The following ABI2 variants were observed in gnomAD, a reference collection of about 807,000 sequenced individuals.
The protein encoded by ABI2 is abelson interactor 2.
Under a neutral mutation model 59.2 loss-of-function variants are expected in ABI2, and 25 were observed. That is an observed-to-expected ratio of 0.42 (90% CI 0.31 to 0.59). ABI2 has a LOEUF of 0.59. Ranked by LOEUF, ABI2 falls within the 20% of genes least tolerant of loss-of-function variation. The pLI is 0.14. For missense variants in ABI2, 545 were observed against 681.8 expected, an observed-to-expected ratio of 0.80 and a Z score of 2.23; for synonymous variants, 213 against 235.5, an observed-to-expected ratio of 0.90 and a Z score of 0.87.
At chr2:203,426,465 C>T (rs1322058763) in intron 11 of ABI2, among the ~76,000 whole-genome samples, 1 of 151,984 alleles carries the variant, frequency 6.6e-6, no homozygotes, top group Non-Finnish European at 1.5e-5. Flanking sequence ...AGCCAAGTTA[C>T]CAAGTGATTT....
chr2:203,411,450 A>G, intron 10 of ABI2, 79 bp downstream of exon 10: 1 of 1,108,746 alleles, frequency 9.0e-7, no homozygotes, highest in Non-Finnish European at 1.3e-6. Flanking sequence ...CTGGATAGTC[A>G]TTCATTTGCT....
rs753213419 is a variant in ABI2, at chr2:203,331,038, A to G, written c.117+2407A>G. Among the ~76,000 whole-genome samples, 8 of 152,340 alleles carry G rather than the reference A, an allele frequency of 5.3e-5. 1 individual carries two copies. The South Asian group carries it at 8.3e-4, about 16-fold the overall frequency. ...AAATATTGATTAATATTAATTTAAT[A>G]GAAATGAACTTAGATTTTAAAATAG... On this transcript the variant is annotated intron_variant, in intron 1 of 11. Transcript: ENST00000261018.
intron 1 of ABI2, among the ~76,000 whole-genome samples, chr2:203,352,226 G>A (rs1027425980): frequency 1.3e-5 from 2 of 152,162 alleles, no homozygotes; most frequent in Non-Finnish European, 2.9e-5. Context: ...TTGGGAGCCC[G>A]AGATGGAAGG....
At chr2:203,366,523 A>C (rs976356126) in intron 1 of ABI2, among the ~76,000 whole-genome samples, 2 of 152,246 alleles carry the variant, frequency 1.3e-5, no homozygotes, top group African/African-American at 4.8e-5. Context: ...TCAGAAAAGC[A>C]GAAGAAAGTG....
At chr2:203,384,288 TTG>T (rs1240470924) in intron 4 of ABI2, among the ~76,000 whole-genome samples, 100 of 22,786 alleles carry the variant, frequency 4.4e-3, no homozygotes, top group African/African-American at 0.013. Flanking sequence ...GTTTTTGTTT[TTG>T]TTTTTTTTTT....
At chr2:203,420,873 A>G (rs1211524272) in intron 11 of ABI2, among the ~76,000 whole-genome samples, 1 of 145,916 alleles carries the variant, frequency 6.9e-6, no homozygotes, top group Non-Finnish European at 1.5e-5. Context: ...GGCAGAGAAG[A>G]GAGAAAGGAA....
At chr2:203,343,917 C>G (rs1033381590) in intron 1 of ABI2, among the ~76,000 whole-genome samples, 2 of 152,018 alleles carry the variant, frequency 1.3e-5, no homozygotes, top group African/African-American at 2.4e-5. Flanking sequence ...ATTGCTTGAG[C>G]CCAGGAGTTT....
chr2:203,362,898 C>T (rs2093721090), intron 1 of ABI2, among the ~76,000 whole-genome samples: 1 of 151,884 alleles, frequency 6.6e-6, no homozygotes, highest in South Asian at 2.1e-4. Context: ...GTGACCTGAT[C>T]TCAGCTCACT....
intron 4 of ABI2, among the ~76,000 whole-genome samples, chr2:203,387,382 G>T (rs759047068): frequency 1.3e-5 from 2 of 152,212 alleles, no homozygotes; most frequent in Non-Finnish European, 2.9e-5. Context: ...TTGGCTTAAT[G>T]TGTGGTGCCA....
At chr2:203,380,493 G>A (rs2096048182) in intron 3 of ABI2, 109 bp downstream of exon 3, 1 of 688,270 alleles carries the variant, frequency 1.5e-6, no homozygotes, top group Admixed American at 3.8e-5. Flanking sequence ...ACAAAGTCTT[G>A]GCCCAGTTGT....
chr2:203,342,922 A>C (rs1213157363), intron 1 of ABI2, among the ~76,000 whole-genome samples: 1 of 152,218 alleles, frequency 6.6e-6, no homozygotes, highest in African/African-American at 2.4e-5. Flanking sequence ...TAGTTTTTTA[A>C]TCATTCATGC....
At chr2:203,362,631 A>G (rs1057250679) in intron 1 of ABI2, among the ~76,000 whole-genome samples, 5 of 151,612 alleles carry the variant, frequency 3.3e-5, no homozygotes, top group Non-Finnish European at 7.4e-5. Flanking sequence ...GGTTCAAGCT[A>G]TTCTCCTGCC....
At chr2:203,359,149 A>T (rs1184212251) in intron 1 of ABI2, among the ~76,000 whole-genome samples, 1 of 152,214 alleles carries the variant, frequency 6.6e-6, no homozygotes, top group Non-Finnish European at 1.5e-5. Context: ...GGGGTGTGGG[A>T]TGGAGAGAAG....
intron 1 of ABI2, among the ~76,000 whole-genome samples, chr2:203,333,746 C>T (rs146532874): frequency 9.2e-5 from 14 of 152,200 alleles, no homozygotes; most frequent in Non-Finnish European, 1.6e-4. Flanking sequence ...CTCTTTTAAA[C>T]ATTTTGTCAT....
rs143425694 is a variant in ABI2, at chr2:203,420,718, C to T, written c.1453+3637C>T. Among the ~76,000 whole-genome samples the T allele has an allele frequency of 8.0e-4, 122 of 152,174 alleles. 1 individual carries two copies. The highest frequency in any genetic ancestry group is 3.4e-3 in the Middle Eastern group (1 of 294). On this transcript the variant is annotated intron_variant, in intron 11 of 11. Coordinates refer to ENST00000261018, the MANE Select transcript of ABI2 (RefSeq NM_001375670.1). ...GACAGTCCCTTATCTGGTTCATCTT[C>T]GTACCTCTAAAAGTCAGCATGGATG... is the stretch of plus-strand genomic sequence containing the variant.
chr2:203,354,769 A>G (rs2091004175), intron 1 of ABI2, among the ~76,000 whole-genome samples: 1 of 152,224 alleles, frequency 6.6e-6, no homozygotes, highest in African/African-American at 2.4e-5. Context: ...ACCTGAATTT[A>G]GGTAACCTAA....
rs1372099618 is a variant in ABI2 at position 203,428,279 on chromosome 2, C to T, written c.*927C>T. ...ATCTTGGAGTTCAGACCAACTATGA[C>T]TATCATTTCCTTCACTATCTAGAAA... On this transcript the variant is annotated 3_prime_UTR_variant, in exon 12 of 12. Coordinates refer to ENST00000261018, the MANE Select transcript of ABI2 (RefSeq NM_001375670.1). 1 of 152,578 alleles carries T rather than the reference C, an allele frequency of 6.6e-6. No individual in the cohort carries two copies. The highest frequency in any genetic ancestry group is 2.4e-5 in the African/African-American group (1 of 41,434). The allele number at this position is 152,578 out of a possible 1,614,324, so 9.5% of individuals were successfully genotyped here.
At chr2:203,421,762 C>T (rs967448560) in intron 11 of ABI2, among the ~76,000 whole-genome samples, 1 of 151,954 alleles carries the variant, frequency 6.6e-6, no homozygotes, top group African/African-American at 2.4e-5. Context: ...GTCAAGAGAT[C>T]AAGACCATCC....
At chr2:203,388,882 G>C (rs1033556509) in intron 4 of ABI2, among the ~76,000 whole-genome samples, 4 of 152,020 alleles carry the variant, frequency 2.6e-5, no homozygotes, top group Admixed American at 6.6e-5. Context: ...GCTATCCCAT[G>C]TATAGAATAA....
Sources: gnomAD v4.1 joint callset for allele counts (sites outside exome capture counted in the v4.1 genomes callset) on GRCh38, gnomAD v4.1.1 for gene constraint, MANE v1.5 for transcripts, NCBI Gene and HGNC (gene_info 2026-07-23, HGNC 2026-07-21) for gene names.